Variants in PACSIN2 observed in about 807,000 individuals in gnomAD.
PACSIN2 encodes the protein protein kinase C and casein kinase substrate in neurons 2, also known as protein kinase C and casein kinase substrate in neurons protein 2.
PACSIN2 carries 25 observed loss-of-function variants against 63.8 expected under a neutral mutation model. That is an observed-to-expected ratio of 0.39 (90% CI 0.29 to 0.55). The LOEUF (loss-of-function observed/expected upper bound fraction) is 0.55. Ranked by LOEUF, PACSIN2 falls within the 20% of genes least tolerant of loss-of-function variation. The pLI is 0.62. For synonymous variants in PACSIN2, 255 were observed against 256.2 expected, an observed-to-expected ratio of 1.00 and a Z score of 0.05; for missense variants, 518 against 646.9, an observed-to-expected ratio of 0.80 and a Z score of 2.16.
intron 1 of PACSIN2, chr22:42,945,638 C>T (rs556976819): frequency 6.6e-6 from 1 of 152,432 alleles, no homozygotes; most frequent in African/African-American, 2.4e-5. Flanking sequence ...TCACCACTAC[C>T]ACATTCAATC....
At chr22:43,010,398 A>ATATATTTTTTT in intron 1 of PACSIN2, among the ~76,000 whole-genome samples, 2 of 126,404 alleles carry the variant, frequency 1.6e-5, no homozygotes, top group African/African-American at 5.7e-5. Flanking sequence ...ATATATATAT[A>ATATATTTTTTT]TTTTTTTTTA....
intron 1 of PACSIN2, among the ~76,000 whole-genome samples, chr22:42,941,858 CCT>C (rs879720298): frequency 5.9e-5 from 9 of 152,096 alleles, no homozygotes; most frequent in Non-Finnish European, 8.8e-5. Context: ...CTCACTGCAA[CCT>C]CTGACTCCTG....
chr22:42,888,646 A>T lies in PACSIN2; in HGVS notation c.606T>A (p.Leu202=). 1 of 1,614,208 alleles carries T rather than the reference A, an allele frequency of 6.2e-7. No homozygotes were observed. Among genetic ancestry groups the T allele is most frequent in the Non-Finnish European group, 8.5e-7 (1 of 1,179,992 alleles). Residue 202 remains leucine (L), a synonymous_variant, in exon 5 of 11, where the codon CTT becomes CTA. Transcript: ENST00000263246. ...DKIEKCKQDV[L]KTKEKYEKSL... is the part of the protein sequence containing the mutation. Reference sequence around the variant, plus strand: ...TAAAAACAAGTGTACAGTTTACCTTAAGAACATCTTGCTTGCACTTTTCTA... The same window carrying T: ...TAAAAACAAGTGTACAGTTTACCTTTAGAACATCTTGCTTGCACTTTTCTA...
chr22:42,937,719 G>A (rs1409997942), intron 1 of PACSIN2, among the ~76,000 whole-genome samples: 1 of 152,156 alleles, frequency 6.6e-6, no homozygotes, highest in East Asian at 1.9e-4. Context: ...CTCAACCAAG[G>A]CCCCACTGTG....
rs753529133 is a variant in PACSIN2 at position 42,892,224 on chromosome 22, G to A, written c.218-1042C>T. On this transcript the variant is annotated intron_variant, in intron 3 of 10. Transcript: ENST00000263246. ...GGCTGGAGGGAGGGAGAGCCACAAC[G>A]GAGCCGGGGCAGAAATCGAGAAGAT... Among the ~76,000 whole-genome samples, 10 of 152,148 alleles carry A rather than the reference G, an allele frequency of 6.6e-5. No homozygotes were observed. The East Asian group carries it at 9.6e-4, about 15-fold the overall frequency.
intron 2 of PACSIN2, among the ~76,000 whole-genome samples, chr22:42,899,179 C>T (rs113790468): frequency 2.0e-5 from 3 of 152,334 alleles, no homozygotes; most frequent in African/African-American, 4.8e-5. Context: ...CAGGGTCTAC[C>T]GCACAGCAGG....
At position 42,929,009 on chromosome 22, in the gene PACSIN2, T is replaced by C. The variant is rs563154804; in HGVS notation, c.-77-16852A>G. ...TTTAAAATGTTTTAAGACAGCCTCCTATAAGCAGGAGATTATGGAAGAATA... is the reference window on the plus strand; with the variant it reads ...TTTAAAATGTTTTAAGACAGCCTCCCATAAGCAGGAGATTATGGAAGAATA... On this transcript the variant is annotated intron_variant, in intron 1 of 10. Coordinates refer to ENST00000263246, the MANE Select transcript of PACSIN2 (RefSeq NM_001184970.3). 8.5e-5 allele frequency among the ~76,000 whole-genome samples: 13 copies of C among 152,356 alleles called. No homozygotes were observed. The South Asian group carries it at 1.9e-3, about 22-fold the overall frequency.
At chr22:42,875,102 G>A (rs1240070346) in intron 10 of PACSIN2, among the ~76,000 whole-genome samples, 7 of 151,480 alleles carry the variant, frequency 4.6e-5, no homozygotes, top group Non-Finnish European at 1.0e-4. Flanking sequence ...TGTGTGCCTC[G>A]GCCTCCCAAA....
chr22:42,892,569 G>A (rs1014110196), intron 3 of PACSIN2, among the ~76,000 whole-genome samples: 2 of 152,174 alleles, frequency 1.3e-5, no homozygotes, highest in African/African-American at 2.4e-5. Flanking sequence ...ACGAAATGAC[G>A]ACACTGCCAC....
chr22:42,998,082 T>A (rs995582685), intron 1 of PACSIN2, among the ~76,000 whole-genome samples: 16 of 152,314 alleles, frequency 1.1e-4, no homozygotes, highest in Admixed American at 5.9e-4. Flanking sequence ...CCTTTAAGTC[T>A]GAGGTTTGGA....
intron 1 of PACSIN2, among the ~76,000 whole-genome samples, chr22:43,008,948 T>C (rs2146929092): frequency 6.6e-6 from 1 of 152,266 alleles, no homozygotes; most frequent in Non-Finnish European, 1.5e-5. Flanking sequence ...CTACAAACTG[T>C]CCCTATGAAA....
intron 1 of PACSIN2, among the ~76,000 whole-genome samples, chr22:42,943,877 G>A (rs1335214897): frequency 1.3e-5 from 2 of 152,142 alleles, no homozygotes; most frequent in Admixed American, 1.3e-4. Flanking sequence ...AATATAGAAA[G>A]CAAAGAAAGA....
intron 1 of PACSIN2, among the ~76,000 whole-genome samples, chr22:43,001,035 G>A (rs1015312729): frequency 2.0e-5 from 3 of 152,300 alleles, no homozygotes; most frequent in South Asian, 4.1e-4. Context: ...GGCCCCGTCC[G>A]ACCTCAAATA....
At chr22:42,903,141 A>G (rs1004872213) in intron 2 of PACSIN2, among the ~76,000 whole-genome samples, 1 of 152,172 alleles carries the variant, frequency 6.6e-6, no homozygotes, top group African/African-American at 2.4e-5. Context: ...GGCCTGAGTT[A>G]GTTTATCCCT....
At chr22:43,002,132 C>G (rs1304374813) in intron 1 of PACSIN2, among the ~76,000 whole-genome samples, 1 of 152,138 alleles carries the variant, frequency 6.6e-6, no homozygotes, top group Non-Finnish European at 1.5e-5. Flanking sequence ...AGATGCTTGT[C>G]TCTGGAGATG....
Position 42,890,933 on chromosome 22 carries a change from C to A in PACSIN2, c.453+14G>T. The A allele has an allele frequency of 6.2e-7, 1 of 1,608,760 alleles. No individual in the cohort carries two copies. The highest frequency in any genetic ancestry group is 2.2e-5 in the East Asian group (1 of 44,828). The stretch of plus-strand genomic sequence containing the variant: ...GAGCAAGGCCGGGCAGGGAAGCCTG[C>A]AGGACAGATGTACCTCTTTCAGCTT... On this transcript the variant is annotated intron_variant, in intron 4 of 10. Coordinates refer to ENST00000263246, the MANE Select transcript of PACSIN2 (RefSeq NM_001184970.3).
intron 1 of PACSIN2, among the ~76,000 whole-genome samples, chr22:42,983,149 T>C (rs999056609): frequency 1.3e-5 from 2 of 151,550 alleles, no homozygotes; most frequent in African/African-American, 4.8e-5. Context: ...AAACCCCGTC[T>C]CTACTGAAAA....
intron 1 of PACSIN2, among the ~76,000 whole-genome samples, chr22:43,005,425 C>A (rs1204220619): frequency 6.6e-6 from 1 of 152,202 alleles, no homozygotes; most frequent in African/African-American, 2.4e-5. Flanking sequence ...TGACCATCAT[C>A]AGGCCCTTAC....
At chr22:42,938,682 G>A (rs559973489) in intron 1 of PACSIN2, among the ~76,000 whole-genome samples, 16 of 152,222 alleles carry the variant, frequency 1.1e-4, no homozygotes, top group Non-Finnish European at 1.9e-4. Context: ...GCATTCCGGT[G>A]TGTGCTACCC....
Sources: allele counts gnomAD v4.1 joint callset (sites outside exome capture counted in the v4.1 genomes callset), GRCh38; gene constraint gnomAD v4.1.1; transcripts MANE v1.5; gene names NCBI Gene and HGNC (gene_info 2026-07-23, HGNC 2026-07-21).